Variants in TRAF3 observed in about 807,000 individuals in gnomAD.
TRAF3 encodes TNF receptor associated factor 3, also known as TNF receptor-associated factor 3.
TRAF3 carries 13 observed loss-of-function variants against 62.3 expected under a neutral mutation model. That is an observed-to-expected ratio of 0.21 (90% CI 0.14 to 0.33). The LOEUF is 0.33. TRAF3 is among the 10% of genes least tolerant of loss of function. TRAF3 has a pLI of 1.00. For synonymous variants in TRAF3, 269 were observed against 283.4 expected, an observed-to-expected ratio of 0.95 and a Z score of 0.51; for missense variants, 440 against 741.8, an observed-to-expected ratio of 0.59 and a Z score of 4.73.
chr14:102,813,650 C>T (rs1177922380), intron 1 of TRAF3, among the ~76,000 whole-genome samples: 1 of 152,012 alleles, frequency 6.6e-6, no homozygotes, highest in African/African-American at 2.4e-5. Flanking sequence ...GGGAGTTTGC[C>T]ATGTTGGCCA....
intron 11 of TRAF3, among the ~76,000 whole-genome samples, chr14:102,904,839 C>T (rs1484086225): frequency 5.0e-5 from 7 of 140,086 alleles, no homozygotes; most frequent in Admixed American, 2.2e-4. Flanking sequence ...GAGCCAGGCA[C>T]GGTGGCTCAC....
chr14:102,886,715 C>G (rs1437191561), intron 7 of TRAF3, among the ~76,000 whole-genome samples: 1 of 152,134 alleles, frequency 6.6e-6, no homozygotes, highest in African/African-American at 2.4e-5. Flanking sequence ...GAGATCACAC[C>G]ACTGCACTCC....
At position 102,816,403 on chromosome 14, in the gene TRAF3, T is replaced by G. The variant is rs564475146; in HGVS notation, c.-156-13931T>G. ...CATGCATTAGCTACCATACACCGAT[T>G]GTACAGGCCACAGGCTAGCCCCACA... On this transcript the variant is annotated intron_variant, in intron 1 of 11. Transcript: ENST00000392745. 3.9e-5 allele frequency among the ~76,000 whole-genome samples: 6 copies of G among 152,268 alleles called. No individual in the cohort carries two copies. In the East Asian group the frequency reaches 7.7e-4, roughly 20 times the overall value.
intron 2 of TRAF3, among the ~76,000 whole-genome samples, chr14:102,841,386 C>T (rs895331665): frequency 3.9e-5 from 6 of 152,252 alleles, no homozygotes; most frequent in Non-Finnish European, 8.8e-5. Context: ...ACTTCTTGGA[C>T]ATCAGTTGCA....
chr14:102,804,075 G>A (rs1363850177), intron 1 of TRAF3, among the ~76,000 whole-genome samples: 1 of 151,958 alleles, frequency 6.6e-6, no homozygotes, highest in Non-Finnish European at 1.5e-5. Flanking sequence ...CGGGGCGAGA[G>A]GGATCCTTCC....
At chr14:102,835,191 A>G (rs2139650805) in intron 2 of TRAF3, among the ~76,000 whole-genome samples, 1 of 151,452 alleles carries the variant, frequency 6.6e-6, no homozygotes, top group Non-Finnish European at 1.5e-5. Context: ...GCAAATCAAA[A>G]CCACAGTGAG....
At chr14:102,847,332 G>A (rs1299477402) in intron 2 of TRAF3, among the ~76,000 whole-genome samples, 11 of 152,146 alleles carry the variant, frequency 7.2e-5, no homozygotes, top group African/African-American at 1.2e-4. Context: ...GTGCCACCAC[G>A]CCCAGCTAAT....
At chr14:102,859,266 C>T (rs1244024269) in intron 2 of TRAF3, among the ~76,000 whole-genome samples, 2 of 152,010 alleles carry the variant, frequency 1.3e-5, no homozygotes, top group African/African-American at 4.8e-5. Context: ...TCCCTACACA[C>T]CTTGCATGTA....
rs781133867 is a variant in TRAF3 at position 102,906,651 on chromosome 14, C to T, written c.*867C>T. The T allele has an allele frequency of 1.3e-5, 2 of 152,212 alleles. No homozygotes were observed. Among genetic ancestry groups the T allele is most frequent in the Non-Finnish European group, 2.9e-5 (2 of 68,036 alleles). The allele number at this position is 152,212 out of a possible 1,614,324, so 9.4% of individuals were successfully genotyped here. A position where few individuals can be genotyped will look rare whatever the true frequency, so the allele number is the denominator to read the frequency against. Reference sequence around the variant, plus strand: ...ATTTTCAGATTTATAATTGTTTTCACCCTAAAATAGGGCATCCGTTGAACT... The same window carrying T: ...ATTTTCAGATTTATAATTGTTTTCATCCTAAAATAGGGCATCCGTTGAACT... On this transcript the variant is annotated 3_prime_UTR_variant, in exon 12 of 12. Coordinates refer to ENST00000392745, the MANE Select transcript of TRAF3 (RefSeq NM_145725.3).
chr14:102,855,558 G>A (rs1360219726), intron 2 of TRAF3, among the ~76,000 whole-genome samples: 1 of 152,126 alleles, frequency 6.6e-6, no homozygotes, highest in Non-Finnish European at 1.5e-5. Flanking sequence ...CACTTTGGGA[G>A]GCCGAGGCAG....
At position 102,905,278 on chromosome 14, in the gene TRAF3, G is replaced by A. The variant is rs767120006; in HGVS notation, c.1201G>A (p.Asp401Asn). 5 of 1,614,192 alleles carry A rather than the reference G, an allele frequency of 3.1e-6. No individual in the cohort carries two copies. The highest frequency in any genetic ancestry group is 4.2e-6 in the Non-Finnish European group (5 of 1,180,042). The change falls in exon 12 of 12, where the codon GAC becomes AAC. Residue 401 changes from aspartate (D) to asparagine (N), a missense_variant. Asp to Asn is a conservative substitution (Grantham distance 23). Coordinates refer to ENST00000392745, the MANE Select transcript of TRAF3 (RefSeq NM_145725.3). ...MLSVHDIRLA[D>N]MDLRFQVLET... Reference sequence around the variant, plus strand: ...GAGTGTGCACGACATCCGCCTAGCCGACATGGACCTGCGCTTCCAGGTCCT... The same window carrying A: ...GAGTGTGCACGACATCCGCCTAGCCAACATGGACCTGCGCTTCCAGGTCCT...
At chr14:102,876,891 A>G (rs1888697093) in intron 6 of TRAF3, among the ~76,000 whole-genome samples, 1 of 148,464 alleles carries the variant, frequency 6.7e-6, no homozygotes, top group Non-Finnish European at 1.5e-5. Flanking sequence ...CAGTTCGTAG[A>G]TAATCCGTTC....
rs189502215 is a variant in TRAF3, at chr14:102,872,581, G to A, written c.297+613G>A. Among the ~76,000 whole-genome samples, 11 of 152,358 alleles carry A rather than the reference G, an allele frequency of 7.2e-5. No individual in the cohort carries two copies. In the South Asian group the frequency reaches 1.2e-3, roughly 17 times the overall value. ...GCCTGCCACCAGCTTCTCTCCTGGGGCCTGGTCCTTCTCATGGAGACTGAC... is the reference window on the plus strand; with the variant it reads ...GCCTGCCACCAGCTTCTCTCCTGGGACCTGGTCCTTCTCATGGAGACTGAC... On this transcript the variant is annotated intron_variant, in intron 4 of 11. Transcript: ENST00000392745.
chr14:102,885,346 G>A (rs1049334121), intron 6 of TRAF3, among the ~76,000 whole-genome samples: 10 of 152,212 alleles, frequency 6.6e-5, no homozygotes, highest in African/African-American at 1.9e-4. Context: ...GGATGGGGGA[G>A]GATTGAGGCA....
chr14:102,778,292 C>T (rs939944683), intron 1 of TRAF3, among the ~76,000 whole-genome samples: 1 of 151,860 alleles, frequency 6.6e-6, no homozygotes, highest in Non-Finnish European at 1.5e-5. Context: ...GGCTCTGCGT[C>T]TTCCCCGCGG....
intron 1 of TRAF3, among the ~76,000 whole-genome samples, chr14:102,802,444 A>G (rs1472027929): frequency 7.0e-6 from 1 of 142,978 alleles, no homozygotes; most frequent in Non-Finnish European, 1.5e-5. Context: ...GTGAGCCACC[A>G]CGCCCAGCCA....
intron 1 of TRAF3, among the ~76,000 whole-genome samples, chr14:102,799,137 C>T (rs886732029): frequency 6.6e-6 from 1 of 152,066 alleles, no homozygotes; most frequent in Admixed American, 6.5e-5. Flanking sequence ...CTGATTTGGA[C>T]TACTGAAAGC....
At chr14:102,838,740 G>T (rs4906267) in intron 2 of TRAF3, among the ~76,000 whole-genome samples, 49,646 of 151,946 alleles carry the variant, frequency 0.33, 11,196 homozygotes, top group African/African-American at 0.64. Context: ...GCAGGGCAGG[G>T]TCTACTCACA....
Position 102,885,203 on chromosome 14 carries a change from T to C in TRAF3, c.571-986T>C, listed in dbSNP as rs924351124. ...GAGCAACCACGTTCCGAGGACGAGC[T>C]TCCCTCGGGTGGGCCGCTGCCCTCC... On this transcript the variant is annotated intron_variant, in intron 6 of 11. Transcript: ENST00000392745. 4.7e-4 allele frequency among the ~76,000 whole-genome samples: 71 copies of C among 152,174 alleles called. 1 individual carries two copies. Among genetic ancestry groups the C allele is most frequent in the African/African-American group, 1.6e-3 (67 of 41,436 alleles).
Sources: gnomAD v4.1 joint callset for allele counts (sites outside exome capture counted in the v4.1 genomes callset) on GRCh38, gnomAD v4.1.1 for gene constraint, MANE v1.5 for transcripts, NCBI Gene and HGNC (gene_info 2026-07-23, HGNC 2026-07-21) for gene names.